AFG2A: variants seen among roughly 807,000 people sequenced by gnomAD.
AFG2A encodes the protein ATPase family gene 2 protein homolog A.
the AFG2A span, among the ~76,000 whole-genome samples, chr4:123,014,123 T>C: frequency 3.1e-4 from 47 of 152,260 alleles, no homozygotes; most frequent in Non-Finnish European, 2.9e-5. Flanking sequence ...CCTCTGTTTT[T>C]AGTTTCCTTG....
the AFG2A span, among the ~76,000 whole-genome samples, chr4:123,021,753 C>T: frequency 6.6e-6 from 1 of 152,178 alleles, no homozygotes; most frequent in Non-Finnish European, 1.5e-5. Flanking sequence ...ATATAGTCAG[C>T]AGTCCTAAAC....
chr4:122,975,922 T>A, the AFG2A span, among the ~76,000 whole-genome samples: 17 of 152,080 alleles, frequency 1.1e-4, 1 homozygote, highest in Admixed American at 1.1e-3. Context: ...AAGCAGGGGA[T>A]CTATTTTTGG....
the AFG2A span, among the ~76,000 whole-genome samples, chr4:123,104,330 A>T: frequency 6.6e-6 from 1 of 152,054 alleles, no homozygotes; most frequent in Non-Finnish European, 1.5e-5. Context: ...CTAATAAATA[A>T]ACGTTTTGTG....
At chr4:123,070,417 C>A in the AFG2A span, among the ~76,000 whole-genome samples, 1 of 152,056 alleles carries the variant, frequency 6.6e-6, no homozygotes, top group Non-Finnish European at 1.5e-5. Context: ...ATAATTTAGT[C>A]TGAGTGGCTT....
chr4:123,206,129 A>C, the AFG2A span, among the ~76,000 whole-genome samples: 10 of 152,312 alleles, frequency 6.6e-5, no homozygotes, highest in African/African-American at 2.4e-4. Context: ...ATACACTCAG[A>C]GGACTTTTCG....
the AFG2A span, among the ~76,000 whole-genome samples, chr4:123,132,522 T>C: frequency 0.16 from 24,036 of 150,720 alleles, 2,260 homozygotes; most frequent in East Asian, 0.45. Flanking sequence ...TATATGTACA[T>C]TCACAATAGC....
At chr4:123,039,368 C>A in the AFG2A span, among the ~76,000 whole-genome samples, 1 of 152,018 alleles carries the variant, frequency 6.6e-6, no homozygotes, top group Admixed American at 6.6e-5. Context: ...TGATTATTGT[C>A]AGGCCACAGT....
chr4:123,067,001 G>T, the AFG2A span, among the ~76,000 whole-genome samples: 2 of 152,106 alleles, frequency 1.3e-5, no homozygotes, highest in African/African-American at 4.8e-5. Flanking sequence ...TAGAGAGATG[G>T]CCTGTTGCAG....
chr4:123,233,474 C>G, the AFG2A span, among the ~76,000 whole-genome samples: 1 of 152,144 alleles, frequency 6.6e-6, no homozygotes, highest in East Asian at 1.9e-4. Context: ...AAAAACAAAT[C>G]ACCTCTTTTT....
At chr4:123,164,616 G>A in the AFG2A span, among the ~76,000 whole-genome samples, 2 of 152,120 alleles carry the variant, frequency 1.3e-5, no homozygotes, top group Admixed American at 1.3e-4. Flanking sequence ...AGCAAAAAAT[G>A]TAATTGTATA....
At chr4:123,222,136 C>T in the AFG2A span, among the ~76,000 whole-genome samples, 5 of 151,962 alleles carry the variant, frequency 3.3e-5, no homozygotes, top group African/African-American at 7.2e-5. Flanking sequence ...CAGTTGTACC[C>T]GAAAATAAAT....
chr4:123,075,558 G>A, the AFG2A span, among the ~76,000 whole-genome samples: 2 of 151,928 alleles, frequency 1.3e-5, no homozygotes, highest in African/African-American at 2.4e-5. Flanking sequence ...CTTCGGCCTC[G>A]CAGAGTGCTG....
the AFG2A span, among the ~76,000 whole-genome samples, chr4:122,983,999 A>T: frequency 1.3e-5 from 2 of 152,144 alleles, no homozygotes; most frequent in South Asian, 4.1e-4. Flanking sequence ...TCAGCCCTAG[A>T]CCTTCTTCTG....
At chr4:123,258,952 C>T in the AFG2A span, among the ~76,000 whole-genome samples, 11 of 150,854 alleles carry the variant, frequency 7.3e-5, no homozygotes, top group South Asian at 1.7e-3. Flanking sequence ...CTGCAACCTC[C>T]GCCTCCCGGG....
At chr4:123,298,149 G>A in the AFG2A span, among the ~76,000 whole-genome samples, 3,695 of 151,942 alleles carry the variant, frequency 0.024, 146 homozygotes, top group African/African-American at 0.084. Context: ...TGGTGCATAG[G>A]AAGTGACCTA....
the AFG2A span, among the ~76,000 whole-genome samples, chr4:122,936,531 G>A: frequency 8.3e-4 from 126 of 152,288 alleles, 1 homozygote; most frequent in Non-Finnish European, 5.7e-4. Flanking sequence ...GCTTCAAAGG[G>A]ACAAATCTTT....
the AFG2A span, among the ~76,000 whole-genome samples, chr4:123,164,722 CT>C: frequency 6.6e-6 from 1 of 151,958 alleles, no homozygotes; most frequent in Non-Finnish European, 1.5e-5. Context: ...GTTCATTTGC[CT>C]TTGAGAATTT....
At chr4:122,951,802 T>C in the AFG2A span, among the ~76,000 whole-genome samples, 16 of 152,318 alleles carry the variant, frequency 1.1e-4, no homozygotes, top group Non-Finnish European at 1.6e-4. Context: ...GCTGTTTGTG[T>C]ACCAGGCCTG....
chr4:123,086,235 C>G, the AFG2A span, among the ~76,000 whole-genome samples: 1 of 152,038 alleles, frequency 6.6e-6, no homozygotes, highest in Non-Finnish European at 1.5e-5. Flanking sequence ...GCAACAAATT[C>G]CTTATTTTTA....
Sources: gnomAD v4.1 joint callset for allele counts (sites outside exome capture counted in the v4.1 genomes callset) on GRCh38, gnomAD v4.1.1 for gene constraint, MANE v1.5 for transcripts, NCBI Gene and HGNC (gene_info 2026-07-23, HGNC 2026-07-21) for gene names.